The following ANKRD30A variants were observed in gnomAD, a reference collection of about 807,000 sequenced individuals.
ANKRD30A encodes the protein ankyrin repeat domain 30A.
Under a neutral mutation model 166.3 loss-of-function variants are expected in ANKRD30A, and 170 were observed. The observed-to-expected ratio is 1.02, with a 90% CI of 0.90 to 1.16. The LOEUF (loss-of-function observed/expected upper bound fraction) is 1.16, where lower values mean the gene tolerates loss of function less well. ANKRD30A is among the 50% of genes most tolerant of loss of function. The pLI, the probability that ANKRD30A is intolerant of heterozygous loss-of-function variation, is 0.00. For synonymous variants in ANKRD30A, 564 were observed against 508.9 expected, an observed-to-expected ratio of 1.11 and a Z score of -1.46; for missense variants, 1,630 against 1,518.0, an observed-to-expected ratio of 1.07 and a Z score of -1.23.
chr10:37,153,637 A>G lies in ANKRD30A; in HGVS notation c.1773A>G (p.Ile591Met). Residue 591 changes from isoleucine (I) to methionine (M), a missense_variant, in exon 13 of 36, where the codon ATA becomes ATG. Around this residue, in one of 4 missense-constraint regions of ANKRD30A, gnomAD observed 904 missense variants for 818.5 expected, o/e 1.10. Transcript: ENST00000361713. ...CLPKATHQKEIDKINGKLEES... is the reference protein window; with the variant it reads ...CLPKATHQKEMDKINGKLEES... Reference sequence around the variant, plus strand: ...CCAAGGCTACACATCAAAAAGAAATAGATAAAATAAATGGAAAATTAGAAG... The same window carrying G: ...CCAAGGCTACACATCAAAAAGAAATGGATAAAATAAATGGAAAATTAGAAG... 6 of 1,611,744 alleles carry G rather than the reference A, an allele frequency of 3.7e-6. No individual in the cohort carries two copies. Among genetic ancestry groups the G allele is most frequent in the Non-Finnish European group, 5.1e-6 (6 of 1,179,498 alleles).
chr10:37,256,755 T>C, the ANKRD30A span, among the ~76,000 whole-genome samples: 3 of 152,222 alleles, frequency 2.0e-5, no homozygotes, highest in African/African-American at 4.8e-5. Flanking sequence ...GTATTGCATA[T>C]GGTGGATAAG....
intron 13 of ANKRD30A, among the ~76,000 whole-genome samples, chr10:37,155,483 G>T (rs1838302719): frequency 6.6e-6 from 1 of 152,114 alleles, no homozygotes; most frequent in Non-Finnish European, 1.5e-5. Flanking sequence ...GAACTGTGTG[G>T]CTTCTCAATG....
At chr10:37,234,180 A>C (rs981463867), downstream of ANKRD30A, among the ~76,000 whole-genome samples, 8 of 152,306 alleles carry the variant, frequency 5.3e-5, no homozygotes, top group Middle Eastern at 3.4e-3. Context: ...TTACCACTTA[A>C]CACTATTATA....
chr10:37,146,166 A>T (rs1480646419), intron 8 of ANKRD30A, among the ~76,000 whole-genome samples: 1 of 152,290 alleles, frequency 6.6e-6, no homozygotes, highest in Non-Finnish European at 1.5e-5. Context: ...TAGACAAAAA[A>T]AGACTTTCTA....
chr10:37,241,921 C>T, the ANKRD30A span: 1 of 152,164 alleles, frequency 6.6e-6, no homozygotes, highest in Non-Finnish European at 1.5e-5. Flanking sequence ...ATTGCTGACG[C>T]TCTACCGTGA....
chr10:37,221,940 G>A (rs1412836846), intron 34 of ANKRD30A, among the ~76,000 whole-genome samples: 1 of 151,282 alleles, frequency 6.6e-6, no homozygotes, highest in East Asian at 1.9e-4. Context: ...CACAGTATTA[G>A]AATAGCTAGG....
chr10:37,240,300 T>G, the ANKRD30A span, among the ~76,000 whole-genome samples: 1 of 152,124 alleles, frequency 6.6e-6, no homozygotes, highest in East Asian at 1.9e-4. Flanking sequence ...GCCTACACAC[T>G]GCAGTTGTTT....
intron 27 of ANKRD30A, among the ~76,000 whole-genome samples, chr10:37,194,276 C>A (rs1163549933): frequency 6.6e-6 from 1 of 152,018 alleles, no homozygotes; most frequent in Non-Finnish European, 1.5e-5. Context: ...GTCTTATAGG[C>A]TATGTGTAGA....
intron 24 of ANKRD30A, among the ~76,000 whole-genome samples, chr10:37,184,008 C>T (rs1161283439): frequency 4.0e-5 from 6 of 151,832 alleles, no homozygotes; most frequent in African/African-American, 9.6e-5. Context: ...ATTAGCCGGA[C>T]GTGGTGGCAC....
chr10:37,126,806 G>C (rs1836048723), intron 1 of ANKRD30A, among the ~76,000 whole-genome samples: 1 of 152,022 alleles, frequency 6.6e-6, no homozygotes, highest in Non-Finnish European at 1.5e-5. Context: ...CCAACACTTT[G>C]GGCTGCGGAG....
At chr10:37,158,291 T>G in intron 13 of ANKRD30A, 101 bp from the exon 14 acceptor site, 1 of 1,481,978 alleles carries the variant, frequency 6.7e-7, no homozygotes. Flanking sequence ...CGTTTTGCAA[T>G]CCAAGCATGA....
chr10:37,190,818 A>G lies in ANKRD30A; in HGVS notation c.2512+1261A>G, dbSNP rs73242800. Among the ~76,000 whole-genome samples, 227 of 151,786 alleles carry G rather than the reference A, an allele frequency of 1.5e-3. 4 individuals carry two copies. Among genetic ancestry groups the G allele is most frequent in the African/African-American group, 5.3e-3 (218 of 41,254 alleles). On this transcript the variant is annotated intron_variant, in intron 25 of 35. Transcript: ENST00000361713. ...CTTTATTAATATGAAGCATCAATAT[A>G]TAGATATATATATATAGATGTATGT... is the stretch of plus-strand genomic sequence containing the variant.
chr10:37,250,474 G>GGACACT, the ANKRD30A span, among the ~76,000 whole-genome samples: 2 of 152,074 alleles, frequency 1.3e-5, no homozygotes, highest in African/African-American at 4.8e-5. Flanking sequence ...GAGGGGTTCA[G>GGACACT]GACACTGAGC....
At chr10:37,157,802 A>G (rs770743793) in intron 13 of ANKRD30A, among the ~76,000 whole-genome samples, 1 of 152,200 alleles carries the variant, frequency 6.6e-6, no homozygotes, top group South Asian at 2.1e-4. Flanking sequence ...AAAAATGAAT[A>G]TATTTATTAA....
In ANKRD30A at chr10:37,165,172, A is replaced by T. The variant is rs767860946; in HGVS notation, c.2064+17A>T. 6.3e-7 allele frequency: 1 copy of T among 1,587,298 alleles called. No homozygotes were observed. Among genetic ancestry groups the T allele is most frequent in the Non-Finnish European group, 8.6e-7 (1 of 1,157,082 alleles). ...GATACTGAGGTACTGTGTGTTGTTG[A>T]TTTTTTTAAATATTAGTATTGCATG... On this transcript the variant is annotated intron_variant, in intron 18 of 35. Coordinates refer to ENST00000361713, the MANE Select transcript of ANKRD30A (RefSeq NM_052997.3).
At position 37,141,962 on chromosome 10, in the gene ANKRD30A, A is replaced by G. The variant is rs201493184; in HGVS notation, c.1065A>G (p.Glu355=). 1.2e-6 allele frequency: 2 copies of G among 1,614,214 alleles called. No individual in the cohort carries two copies. The highest frequency in any genetic ancestry group is 2.7e-5 in the African/African-American group (2 of 75,046). ...CTGGAAAGTTCGAACAGTCAGCAGA[A>G]GAAACACCTAGGGAAATTACGAGTC... ...ATSGKFEQSA[E]ETPREITSPA... is the part of the protein sequence containing the mutation. Residue 355 remains glutamate (E), a synonymous_variant, in exon 7 of 36, where the codon GAA becomes GAG. Coordinates refer to ENST00000361713, the MANE Select transcript of ANKRD30A (RefSeq NM_052997.3).
At chr10:37,146,101 A>G (rs778462895) in intron 8 of ANKRD30A, among the ~76,000 whole-genome samples, 5 of 151,644 alleles carry the variant, frequency 3.3e-5, no homozygotes, top group African/African-American at 7.3e-5. Context: ...CCTGCTGCAC[A>G]GTGGTAACAG....
chr10:37,231,265 G>A (rs1382867961), intron 34 of ANKRD30A, among the ~76,000 whole-genome samples, 196 bp from the exon 35 acceptor site: 1 of 151,532 alleles, frequency 6.6e-6, no homozygotes, highest in Non-Finnish European at 1.5e-5. Context: ...AAAAATATTT[G>A]TACTTTTTAA....
At chr10:37,232,697 T>TATATATATATATAGAGAGAGAGAGAGAG (rs1273812991), downstream of ANKRD30A, 1 of 78,400 alleles carries the variant, frequency 1.3e-5, no homozygotes, top group Non-Finnish European at 2.4e-5. Context: ...TATATATAAA[T>TATATATATATATAGAGAGAGAGAGAGAG]AGAGAGAGAG....
Sources: gnomAD v4.1 joint callset for allele counts (sites outside exome capture counted in the v4.1 genomes callset) on GRCh38, gnomAD v4.1.1 for gene constraint, gnomAD v4.1.1 regional missense constraint, MANE v1.5 for transcripts, NCBI Gene and HGNC (gene_info 2026-07-23, HGNC 2026-07-21) for gene names.